MYH16: variants seen among roughly 807,000 people sequenced by gnomAD.
MYH16 encodes the protein myosin heavy chain 16.
chr7:99,257,920 C>T (rs1001766077), intron 10 of MYH16, among the ~76,000 whole-genome samples: 3 of 152,144 alleles, frequency 2.0e-5, no homozygotes, highest in African/African-American at 4.8e-5. Flanking sequence ...GTGCTGGAAT[C>T]GCAGGCATAA....
At chr7:99,299,927 T>TTTTATTTTTTTTATTTA (rs1405217065) in intron 37 of MYH16, among the ~76,000 whole-genome samples, 1 of 138,182 alleles carries the variant, frequency 7.2e-6, no homozygotes, top group African/African-American at 2.7e-5. Flanking sequence ...TTTTATTTTA[T>TTTTATTTTTTTTATTTA]TTTATTTATT....
intron 21 of MYH16, among the ~76,000 whole-genome samples, chr7:99,277,935 GAGACAGAC>G (rs776604184): frequency 0.013 from 1,889 of 143,598 alleles, 42 homozygotes; most frequent in African/African-American, 0.041. Context: ...GAGAGAGAGA[GAGACAGAC>G]AGACAGACAG....
downstream of MYH16, among the ~76,000 whole-genome samples, chr7:99,310,144 A>C (rs759788591): frequency 1.2e-4 from 19 of 152,248 alleles, no homozygotes; most frequent in Non-Finnish European, 2.4e-4. Context: ...AGAGAAGGGA[A>C]TTCCAGACAG....
chr7:99,291,617 A>AG (rs1792378191), intron 31 of MYH16, among the ~76,000 whole-genome samples, 167 bp downstream of exon 12: 1 of 105,964 alleles, frequency 9.4e-6, no homozygotes. Flanking sequence ...ACACAGCAAG[A>AG]CCCCCCCCCA....
chr7:99,307,255 T>G (rs755145), downstream of MYH16, among the ~76,000 whole-genome samples: 13,933 of 152,188 alleles, frequency 0.092, 1,673 homozygotes, highest in African/African-American at 0.27. Flanking sequence ...GGAGATTTCA[T>G]CAATCCTGGT....
chr7:99,310,241 G>A (rs372722553), downstream of MYH16, among the ~76,000 whole-genome samples: 16 of 152,172 alleles, frequency 1.1e-4, no homozygotes, highest in Admixed American at 2.6e-4. Flanking sequence ...GAGCTGCAGC[G>A]CGGTGGGGGA....
chr7:99,271,865 A>T (rs927563298), intron 19 of MYH16, among the ~76,000 whole-genome samples: 5 of 151,606 alleles, frequency 3.3e-5, no homozygotes, highest in Admixed American at 6.6e-5. Flanking sequence ...ACACCTGGCT[A>T]ATTTTTTTTT....
At chr7:99,246,296 C>T (rs6465744) in intron 2 of MYH16, among the ~76,000 whole-genome samples, 127,261 of 152,050 alleles carry the variant, frequency 0.84, 53,982 homozygotes, top group Middle Eastern at 0.93. Flanking sequence ...CTGCCACAAG[C>T]AGGGAACTGC....
chr7:99,279,363 A>C, intron 21 of MYH16, 147 bp from the exon 4 acceptor site: 1 of 283,168 alleles, frequency 3.5e-6, no homozygotes, highest in Non-Finnish European at 6.9e-6. Flanking sequence ...TGACTCAAAA[A>C]AAAAAAAAAA....
At chr7:99,266,777 G>A (rs1050720067) in intron 17 of MYH16, 1 of 152,608 alleles carries the variant, frequency 6.6e-6, no homozygotes, top group South Asian at 2.1e-4. Context: ...AAAGACCAGC[G>A]GATAACCGCA....
At chr7:99,274,327 G>A (rs1307302769) in intron 20 of MYH16, among the ~76,000 whole-genome samples, 1 of 152,208 alleles carries the variant, frequency 6.6e-6, no homozygotes, top group Non-Finnish European at 1.5e-5. Flanking sequence ...CCAGAAGAGG[G>A]AGTCAGGCAC....
At chr7:99,258,950 T>C (rs1791905430) in intron 11 of MYH16, among the ~76,000 whole-genome samples, 2 of 152,216 alleles carry the variant, frequency 1.3e-5, no homozygotes, top group Admixed American at 1.3e-4. Context: ...CTCAGGAAAC[T>C]TACGATCATG....
intron 21 of MYH16, among the ~76,000 whole-genome samples, chr7:99,277,935 GAGACAGACAGAC>G (rs776604184): frequency 0.025 from 3,639 of 143,436 alleles, 67 homozygotes; most frequent in South Asian, 0.037. Context: ...GAGAGAGAGA[GAGACAGACAGAC>G]AGACAGACAG....
intron 26 of MYH16, among the ~76,000 whole-genome samples, 155 bp downstream of exon 8, chr7:99,285,090 AAATCCGTAC>A (rs1490131869): frequency 6.6e-6 from 1 of 152,156 alleles, no homozygotes; most frequent in African/African-American, 2.4e-5. Flanking sequence ...ACTAGGGGTG[AAATCCGTAC>A]AATGGTTATG....
At chr7:99,301,375 C>T (rs1268111365) in intron 37 of MYH16, among the ~76,000 whole-genome samples, 1 of 152,100 alleles carries the variant, frequency 6.6e-6, no homozygotes, top group Non-Finnish European at 1.5e-5. Flanking sequence ...TTCATGTTGA[C>T]CTTATGTTAG....
chr7:99,258,745 T>C (rs1449142293), intron 11 of MYH16, among the ~76,000 whole-genome samples: 1 of 151,736 alleles, frequency 6.6e-6, no homozygotes, highest in Non-Finnish European at 1.5e-5. Flanking sequence ...ATTTACACCA[T>C]GGACATTGGC....
chr7:99,303,812 A>C (rs1370790739), intron 39 of MYH16, among the ~76,000 whole-genome samples: 1 of 152,210 alleles, frequency 6.6e-6, no homozygotes, highest in African/African-American at 2.4e-5. Flanking sequence ...AGAACATGAA[A>C]TAATAACAAT....
exon 21 of MYH16, chr7:99,277,707 C>A (rs1185130108): frequency 2.2e-6 from 1 of 456,000 alleles, no homozygotes; most frequent in East Asian, 7.0e-5. Context: ...CATCCAGCTG[C>A]AGGCTGTACG....
intron 3 of MYH16, among the ~76,000 whole-genome samples, chr7:99,248,005 G>A (rs1207496162): frequency 6.6e-6 from 1 of 152,172 alleles, no homozygotes; most frequent in Non-Finnish European, 1.5e-5. Context: ...CAAACCCGTG[G>A]GATGCCAAGG....
Sources: gnomAD v4.1 joint callset for allele counts (sites outside exome capture counted in the v4.1 genomes callset) on GRCh38, gnomAD v4.1.1 for gene constraint, MANE v1.5 for transcripts, NCBI Gene and HGNC (gene_info 2026-07-23, HGNC 2026-07-21) for gene names.